RALGPS2: variants seen among roughly 807,000 people sequenced by gnomAD.
RALGPS2 encodes the protein ras-specific guanine nucleotide-releasing factor RalGPS2.
A neutral mutation model predicts 86.8 loss-of-function variants in RALGPS2; 43 were observed. The observed-to-expected ratio is 0.50, with a 90% CI of 0.39 to 0.64. The LOEUF is 0.64. RALGPS2 is among the 30% of genes least tolerant of loss of function. The pLI, the probability that RALGPS2 is intolerant of heterozygous loss-of-function variation, is 0.00. For missense variants in RALGPS2, 536 were observed against 694.6 expected (o/e 0.77, Z 2.57); for synonymous variants, 243 against 231.3 (o/e 1.05, Z -0.46).
chr1:178,837,019 A>C (rs1656309733), intron 8 of RALGPS2, among the ~76,000 whole-genome samples: 1 of 152,070 alleles, frequency 6.6e-6, no homozygotes, highest in African/African-American at 2.4e-5. Flanking sequence ...GGCCTCAAGC[A>C]GTCTTCCTGC....
intron 8 of RALGPS2, among the ~76,000 whole-genome samples, chr1:178,862,768 G>A (rs894797329): frequency 2.0e-5 from 3 of 152,184 alleles, no homozygotes; most frequent in African/African-American, 4.8e-5. Flanking sequence ...TGGAAGGTCC[G>A]CTAGGAAAGT....
chr1:178,916,490 C>T lies in RALGPS2; in HGVS notation c.*131C>T. ...GCTCTGTCTCAGTCGTTGGAGTTCTCAACCAAAAAAGCACTAATTTCAGGG... is the reference window on the plus strand; with the variant it reads ...GCTCTGTCTCAGTCGTTGGAGTTCTTAACCAAAAAAGCACTAATTTCAGGG... On this transcript the variant is annotated 3_prime_UTR_variant, in exon 20 of 20. Transcript: ENST00000367635. 1.2e-6 allele frequency: 1 copy of T among 811,274 alleles called. No individual in the cohort carries two copies. The highest frequency in any genetic ancestry group is 3.3e-5 in the Admixed American group (1 of 30,728). 50.3% of individuals were successfully genotyped at this position (811,274 alleles called of 1,614,324 possible).
intron 7 of RALGPS2, among the ~76,000 whole-genome samples, chr1:178,829,935 G>A (rs1238249256): frequency 6.6e-6 from 1 of 151,966 alleles, no homozygotes; most frequent in Non-Finnish European, 1.5e-5. Flanking sequence ...AGTAGAGATG[G>A]CGTTTTGCCT....
intron 1 of RALGPS2, among the ~76,000 whole-genome samples, chr1:178,767,323 ATATTTCT>A (rs1413966019): frequency 3.4e-5 from 4 of 119,012 alleles, no homozygotes; most frequent in African/African-American, 1.3e-4. Context: ...ATGTGGGCTG[ATATTTCT>A]TCAGTCTCTG....
chr1:178,793,601 G>A (rs1218132044), intron 4 of RALGPS2, among the ~76,000 whole-genome samples: 2 of 151,894 alleles, frequency 1.3e-5, no homozygotes, highest in African/African-American at 4.8e-5. Flanking sequence ...GTACAGATTG[G>A]GGTCTGTCAT....
At chr1:178,892,191 G>T in intron 14 of RALGPS2, 39 bp from the exon 15 acceptor site, 1 of 1,544,648 alleles carries the variant, frequency 6.5e-7, no homozygotes, top group Non-Finnish European at 8.9e-7. Flanking sequence ...GTGAATAAAA[G>T]TATATGTAAT....
chr1:178,730,404 CATT>C (rs770657754), intron 1 of RALGPS2, among the ~76,000 whole-genome samples: 10 of 152,102 alleles, frequency 6.6e-5, no homozygotes, highest in Non-Finnish European at 1.3e-4. Context: ...TCGTTGTTTA[CATT>C]ATTATGAGTT....
At chr1:178,887,207 C>G (rs193193647) in intron 13 of RALGPS2, among the ~76,000 whole-genome samples, 13 of 152,284 alleles carry the variant, frequency 8.5e-5, no homozygotes, top group Non-Finnish European at 1.6e-4. Context: ...AATCCCAGCA[C>G]TTTGGGAGGC....
intron 8 of RALGPS2, among the ~76,000 whole-genome samples, chr1:178,839,092 G>T (rs1656442607): frequency 6.6e-6 from 1 of 152,176 alleles, no homozygotes; most frequent in African/African-American, 2.4e-5. Flanking sequence ...CACTCTGCAG[G>T]ATATTATCCA....
chr1:178,778,759 T>C (rs984495926), intron 2 of RALGPS2, among the ~76,000 whole-genome samples: 12 of 148,874 alleles, frequency 8.1e-5, no homozygotes, highest in Non-Finnish European at 1.3e-4. Context: ...ATGGATGAAA[T>C]TGGAAATCAT....
chr1:178,758,018 G>A (rs1014674257), intron 1 of RALGPS2, among the ~76,000 whole-genome samples: 2 of 152,042 alleles, frequency 1.3e-5, no homozygotes, highest in Middle Eastern at 3.4e-3. Flanking sequence ...AATCTTGGGG[G>A]GTTGTGATTT....
intron 8 of RALGPS2, among the ~76,000 whole-genome samples, chr1:178,855,759 A>T (rs1657492421): frequency 6.6e-6 from 1 of 151,770 alleles, no homozygotes. Flanking sequence ...AAGTTTGCTG[A>T]GAGTTTTTAT....
chr1:178,901,966 C>T, intron 17 of RALGPS2, 140 bp from the exon 18 acceptor site: 1 of 617,050 alleles, frequency 1.6e-6, no homozygotes, highest in Non-Finnish European at 2.8e-6. Flanking sequence ...GTAAAAGGCC[C>T]CAGGCTGGCT....
chr1:178,770,076 G>A (rs112253550), intron 1 of RALGPS2, among the ~76,000 whole-genome samples: 6,380 of 149,642 alleles, frequency 0.043, 484 homozygotes, highest in African/African-American at 0.15. Flanking sequence ...GAGTGCTGTG[G>A]CATGATCACG....
chr1:178,876,227 AT>A lies in RALGPS2; in HGVS notation c.608-1270del, dbSNP rs201095099. Among the ~76,000 whole-genome samples the A allele has an allele frequency of 6.0e-3, 907 of 151,878 alleles. 15 individuals are homozygous for A. Among genetic ancestry groups the A allele is most frequent in the African/African-American group, 0.021 (877 of 41,490 alleles). On this transcript the variant is annotated intron_variant, in intron 8 of 19. Transcript: ENST00000367635. Reference sequence around the variant, plus strand: ...TAGATAAGATATAAATGTAAAAAAAATAAGTAATGAGATTTTGAAGTCATAA... The same window carrying A: ...TAGATAAGATATAAATGTAAAAAAAAAAGTAATGAGATTTTGAAGTCATAA...
chr1:178,772,721 A>G (rs752688644), intron 1 of RALGPS2, among the ~76,000 whole-genome samples: 11 of 152,246 alleles, frequency 7.2e-5, no homozygotes, highest in Non-Finnish European at 1.3e-4. Flanking sequence ...ACAAAATTAT[A>G]TTTGGAAGAC....
At chr1:178,802,084 G>A (rs1654504017) in intron 4 of RALGPS2, among the ~76,000 whole-genome samples, 1 of 152,014 alleles carries the variant, frequency 6.6e-6, no homozygotes, top group Non-Finnish European at 1.5e-5. Flanking sequence ...CAGGCTCCCA[G>A]AAGTCGAAAA....
intron 2 of RALGPS2, among the ~76,000 whole-genome samples, chr1:178,779,109 C>G (rs528164672): frequency 2.6e-5 from 4 of 152,086 alleles, no homozygotes; most frequent in African/African-American, 4.8e-5. Flanking sequence ...ATCTAGATCC[C>G]TTGATTCCAC....
At position 178,892,320 on chromosome 1, in the gene RALGPS2, T is replaced by A. The variant is rs1315851074; in HGVS notation, c.1325+13T>A. ...TGAAGGCCAGCAGGTACAATTCCCCTGCATTCAGGGGTCACAGAACTCCCT... is the reference window on the plus strand; with the variant it reads ...TGAAGGCCAGCAGGTACAATTCCCCAGCATTCAGGGGTCACAGAACTCCCT... On this transcript the variant is annotated intron_variant, in intron 15 of 19. Coordinates refer to ENST00000367635, the MANE Select transcript of RALGPS2 (RefSeq NM_152663.5). 6.2e-7 allele frequency: 1 copy of A among 1,609,944 alleles called. No homozygotes were observed. Among genetic ancestry groups the A allele is most frequent in the Admixed American group, 1.7e-5 (1 of 59,842 alleles).
Sources: allele counts gnomAD v4.1 joint callset (sites outside exome capture counted in the v4.1 genomes callset), GRCh38; gene constraint gnomAD v4.1.1; transcripts MANE v1.5; gene names NCBI Gene and HGNC (gene_info 2026-07-23, HGNC 2026-07-21).